FER1L6: variants seen among roughly 807,000 people sequenced by gnomAD.
FER1L6 encodes the protein fer-1-like protein 6.
FER1L6 carries 177 observed loss-of-function variants against 219.2 expected under a neutral mutation model. The ratio of observed to expected loss-of-function variants is 0.81; its 90% CI spans 0.71 to 0.91. The LOEUF (loss-of-function observed/expected upper bound fraction) is 0.91. Among genes scored for constraint, FER1L6 ranks in the 40% least tolerant of loss-of-function variants. FER1L6 has a pLI of 0.00. For missense variants in FER1L6, 2,153 were observed against 2,259.9 expected (o/e 0.95, Z 0.96); for synonymous variants, 768 against 824.3 (o/e 0.93, Z 1.17).
intron 1 of FER1L6, among the ~76,000 whole-genome samples, chr8:123,927,333 C>T (rs72709125): frequency 4.3e-4 from 65 of 152,194 alleles, no homozygotes; most frequent in African/African-American, 1.3e-3. Context: ...CAAATGCAAT[C>T]GCTAGGTAAG....
chr8:124,083,128 A>AATAT (rs909552242), intron 33 of FER1L6, among the ~76,000 whole-genome samples: 3 of 150,978 alleles, frequency 2.0e-5, no homozygotes, highest in African/African-American at 7.3e-5. Context: ...TATCACCTCA[A>AATAT]ATATTTATCC....
At chr8:124,071,383 T>A in intron 30 of FER1L6, 123 bp from the exon 31 acceptor site, 1 of 1,304,268 alleles carries the variant, frequency 7.7e-7, no homozygotes. Context: ...CTGGCAAGTT[T>A]AGCACCAAAC....
intron 39 of FER1L6, among the ~76,000 whole-genome samples, chr8:124,116,833 A>C (rs1386085155): frequency 6.6e-6 from 1 of 152,222 alleles, no homozygotes; most frequent in Non-Finnish European, 1.5e-5. Context: ...TGTACATTGG[A>C]GACCATTTTT....
intron 33 of FER1L6, among the ~76,000 whole-genome samples, chr8:124,084,100 GTACC>G (rs939399920): frequency 1.3e-5 from 2 of 149,296 alleles, no homozygotes; most frequent in African/African-American, 4.9e-5. Flanking sequence ...ACTGATTTTT[GTACC>G]TTGATTTTGT....
intron 21 of FER1L6, 105 bp from the exon 22 acceptor site, chr8:124,049,502 T>C: frequency 7.8e-7 from 1 of 1,286,082 alleles, no homozygotes; most frequent in Non-Finnish European, 1.1e-6. Context: ...ACATGGAAGC[T>C]GATGGTTTTG....
intron 3 of FER1L6, among the ~76,000 whole-genome samples, chr8:123,963,963 T>A (rs921448760): frequency 6.6e-6 from 1 of 152,240 alleles, no homozygotes; most frequent in Non-Finnish European, 1.5e-5. Context: ...GTTTCTGTAG[T>A]CATTTGGCAG....
At chr8:124,052,719 A>C (rs1820103243) in intron 22 of FER1L6, among the ~76,000 whole-genome samples, 1 of 152,136 alleles carries the variant, frequency 6.6e-6, no homozygotes, top group South Asian at 2.1e-4. Flanking sequence ...CAGGAGGCAG[A>C]AGTTGCTGTG....
intron 1 of FER1L6, among the ~76,000 whole-genome samples, chr8:123,909,580 G>T (rs1813015956): frequency 6.6e-6 from 1 of 152,098 alleles, no homozygotes; most frequent in Non-Finnish European, 1.5e-5. Context: ...ACATATTCAT[G>T]ACTGGCTACA....
At chr8:123,858,819 G>T (rs535478849) in intron 1 of FER1L6, among the ~76,000 whole-genome samples, 1 of 152,326 alleles carries the variant, frequency 6.6e-6, no homozygotes, top group East Asian at 1.9e-4. Context: ...TGGAAAGCCA[G>T]CTCTGGAAGG....
chr8:124,003,056 G>T, intron 12 of FER1L6, 111 bp from the exon 13 acceptor site: 1 of 815,242 alleles, frequency 1.2e-6, no homozygotes, highest in Non-Finnish European at 2.0e-6. Flanking sequence ...CCTTCATAAT[G>T]GGAGCTTACC....
At chr8:124,074,815 T>C (rs1821213706) in intron 31 of FER1L6, among the ~76,000 whole-genome samples, 2 of 152,234 alleles carry the variant, frequency 1.3e-5, no homozygotes, top group South Asian at 2.1e-4. Flanking sequence ...GTATAGCCTA[T>C]TGCACTCCTA....
intron 1 of FER1L6, among the ~76,000 whole-genome samples, chr8:123,915,466 G>A (rs1045109203): frequency 6.6e-6 from 1 of 152,132 alleles, no homozygotes; most frequent in African/African-American, 2.4e-5. Flanking sequence ...TACACTGTGA[G>A]TTCAGACAAG....
chr8:123,881,988 T>G (rs1238844062), intron 1 of FER1L6, among the ~76,000 whole-genome samples: 1 of 152,188 alleles, frequency 6.6e-6, no homozygotes, highest in Non-Finnish European at 1.5e-5. Flanking sequence ...AACCTTTCTA[T>G]CATCACTTTT....
intron 34 of FER1L6, among the ~76,000 whole-genome samples, chr8:124,092,562 G>GA (rs537684834): frequency 2.2e-4 from 33 of 151,934 alleles, no homozygotes; most frequent in Middle Eastern, 3.4e-3. Context: ...AGGGTGAGGG[G>GA]AAAAAAAATC....
intron 1 of FER1L6, among the ~76,000 whole-genome samples, chr8:123,916,546 T>G (rs1196543565): frequency 6.6e-6 from 1 of 152,068 alleles, no homozygotes; most frequent in African/African-American, 2.4e-5. Context: ...GCAGATTGAG[T>G]TCATTGGATT....
chr8:123,897,668 G>GGCCA (rs1161164339), intron 1 of FER1L6, among the ~76,000 whole-genome samples: 1 of 152,148 alleles, frequency 6.6e-6, no homozygotes. Flanking sequence ...GCTGTTGATA[G>GGCCA]GCCAGCCATG....
intron 1 of FER1L6, among the ~76,000 whole-genome samples, chr8:123,862,687 T>C (rs1816767522): frequency 2.1e-5 from 3 of 141,102 alleles, no homozygotes; most frequent in Admixed American, 2.1e-4. Context: ...GAGATTCAAC[T>C]TCTTCCTGGT....
rs1563799040 is a variant in FER1L6 at position 124,097,785 on chromosome 8, A to G, written c.4785A>G (p.Gly1595=). The G allele has an allele frequency of 6.5e-7, 1 of 1,550,008 alleles. No homozygotes were observed. The highest frequency in any genetic ancestry group is 8.9e-7 in the Non-Finnish European group (1 of 1,121,414). ...CTAATGCTTCCTTCTCCCATCCCAGATACGAATTGAGAGTGACCATCTGGA... is the reference window on the plus strand; with the variant it reads ...CTAATGCTTCCTTCTCCCATCCCAGGTACGAATTGAGAGTGACCATCTGGA... ...PVDISPRRPK[G]YELRVTIWNT... Residue 1595 remains glycine (G), a splice_region_variant and synonymous_variant, in exon 37 of 41, where the codon GGA becomes GGG. Transcript: ENST00000522917.
intron 12 of FER1L6, among the ~76,000 whole-genome samples, chr8:123,994,767 G>C (rs1817048783): frequency 6.6e-6 from 1 of 152,194 alleles, no homozygotes; most frequent in Non-Finnish European, 1.5e-5. Context: ...TCAGCTGGGG[G>C]CTTCTGTAAA....
Sources: allele counts gnomAD v4.1 joint callset (sites outside exome capture counted in the v4.1 genomes callset), GRCh38; gene constraint gnomAD v4.1.1; transcripts MANE v1.5; gene names NCBI Gene and HGNC (gene_info 2026-07-23, HGNC 2026-07-21).